GTSE1: variants seen among roughly 807,000 people sequenced by gnomAD.
GTSE1 encodes the protein G2 and S-phase expressed 1, also known as G2 and S phase-expressed protein 1.
GTSE1 carries 52 observed loss-of-function variants against 60.5 expected under a neutral mutation model. The observed-to-expected ratio is 0.86, with a 90% CI of 0.69 to 1.08. The LOEUF is 1.08. GTSE1 is among the 50% of genes least tolerant of loss of function. The pLI is 0.00. For missense variants in GTSE1, 937 were observed against 961.8 expected (o/e 0.97, Z 0.34); for synonymous variants, 368 against 386.5 (o/e 0.95, Z 0.56).
At chr22:46,326,736 TG>T in intron 9 of GTSE1, 82 bp downstream of exon 9, 1 of 961,950 alleles carries the variant, frequency 1.0e-6, no homozygotes, top group Admixed American at 2.9e-5. Context: ...TTTCTTGCCT[TG>T]CTCCAGGTTT....
rs548357801 is a variant in GTSE1, at chr22:46,329,739, C to T, written c.2136+172C>T. On this transcript the variant is annotated intron_variant, in intron 11 of 11. Coordinates refer to ENST00000454366, the MANE Select transcript of GTSE1 (RefSeq NM_016426.7). The surrounding 1 kb of genome is among the most constrained non-coding windows in gnomAD (Gnocchi z 6.4). Reference sequence around the variant, plus strand: ...GCAGCCTGAGCTTCTCAAAGATCAGCTGCCTCTGAGGTGCCCTGCCAGGAC... The same window carrying T: ...GCAGCCTGAGCTTCTCAAAGATCAGTTGCCTCTGAGGTGCCCTGCCAGGAC... Among the ~76,000 whole-genome samples, 2 of 152,320 alleles carry T rather than the reference C, an allele frequency of 1.3e-5. No homozygotes were observed. Among genetic ancestry groups the T allele is most frequent in the East Asian group, 3.9e-4 (2 of 5,182 alleles).
chr22:46,321,450 G>A lies in GTSE1; in HGVS notation c.1433-1740G>A, dbSNP rs1403358066. Among the ~76,000 whole-genome samples, 3 of 152,130 alleles carry A rather than the reference G, an allele frequency of 2.0e-5. No homozygotes were observed. The highest frequency in any genetic ancestry group is 7.2e-5 in the African/African-American group (3 of 41,418). On this transcript the variant is annotated intron_variant, in intron 7 of 11. Transcript: ENST00000454366. This position sits in a 1 kb window ranked among gnomAD's most constrained non-coding sequence, Gnocchi z 4.0. ...AACAAACTGAAAACGGAGGTGGAGA[G>A]AGGGTGGGAGCATGTTTGACTCAGC...
chr22:46,298,801 C>G (rs529269462), intron 2 of GTSE1, among the ~76,000 whole-genome samples: 1 of 152,206 alleles, frequency 6.6e-6, no homozygotes, highest in South Asian at 2.1e-4. Flanking sequence ...TCCCCACTTC[C>G]GTTGACCTGA....
In GTSE1 at chr22:46,319,748, G is replaced by T. The variant is rs1050792633; in HGVS notation, c.1432+3336G>T. On this transcript the variant is annotated intron_variant, in intron 7 of 11. Coordinates refer to ENST00000454366, the MANE Select transcript of GTSE1 (RefSeq NM_016426.7). The surrounding 1 kb of genome is among the most constrained non-coding windows in gnomAD (Gnocchi z 5.0). ...CTCCTGTAATCCTAGCACTTTGGGA[G>T]GCCGAGGTGAGCAGATCACCTGAGG... is the stretch of plus-strand genomic sequence containing the variant. 6.6e-6 allele frequency among the ~76,000 whole-genome samples: 1 copy of T among 152,092 alleles called. No individual in the cohort carries two copies. Among genetic ancestry groups the T allele is most frequent in the African/African-American group, 2.4e-5 (1 of 41,402 alleles).
At position 46,312,420 on chromosome 22, in the gene GTSE1, A is replaced by C. The variant is rs1242397940; in HGVS notation, c.927+115A>C. 3 of 979,076 alleles carry C rather than the reference A, an allele frequency of 3.1e-6. No homozygotes were observed. The East Asian group carries it at 7.8e-5, about 25-fold the overall frequency. The allele number at this position is 979,076 out of a possible 1,614,324, so 60.6% of individuals were successfully genotyped here. A position where few individuals can be genotyped will look rare whatever the true frequency, so the allele number is the denominator to read the frequency against. The stretch of plus-strand genomic sequence containing the variant: ...TTTGGGAGGCCAAGGTGGGAGGATC[A>C]CTTGAGCCCAGGAGTTCAAGACCAG... On this transcript the variant is annotated intron_variant, in intron 5 of 11. Coordinates refer to ENST00000454366, the MANE Select transcript of GTSE1 (RefSeq NM_016426.7).
At position 46,308,135 on chromosome 22, in the gene GTSE1, A is replaced by T; in HGVS notation, c.80-15A>T. ...AGCTGTGGCACTAAAATAACAGTGG[A>T]TTTTTTCCCTCTAGACATTCTTCTT... On this transcript the variant is annotated splice_polypyrimidine_tract_variant and intron_variant, in intron 2 of 11. Coordinates refer to ENST00000454366, the MANE Select transcript of GTSE1 (RefSeq NM_016426.7). 1 of 1,587,988 alleles carries T rather than the reference A, an allele frequency of 6.3e-7. No individual in the cohort carries two copies. The highest frequency in any genetic ancestry group is 8.6e-7 in the Non-Finnish European group (1 of 1,156,682).
chr22:46,297,272 C>A lies in GTSE1; in HGVS notation c.-21-108C>A. ...GGCCCCCGCGCCGCCTCTCCCAGACCTGGCCGCGGCCTTCAGCTCTCTCTG... is the reference window on the plus strand; with the variant it reads ...GGCCCCCGCGCCGCCTCTCCCAGACATGGCCGCGGCCTTCAGCTCTCTCTG... On this transcript the variant is annotated intron_variant, in intron 1 of 11. Transcript: ENST00000454366. This position sits in a 1 kb window ranked among gnomAD's most constrained non-coding sequence, Gnocchi z 4.9. 2.7e-6 allele frequency: 2 copies of A among 731,322 alleles called. No individual in the cohort carries two copies. Among genetic ancestry groups the A allele is most frequent in the Non-Finnish European group, 2.4e-6 (1 of 415,382 alleles). The allele number at this position is 731,322 out of a possible 1,614,324, so 45.3% of individuals were successfully genotyped here.
At position 46,313,786 on chromosome 22, in the gene GTSE1, C is replaced by G. The variant is rs888014718; in HGVS notation, c.928-104C>G. The stretch of plus-strand genomic sequence containing the variant: ...CCTCCCAAAGTGCTGGGATTACAGG[C>G]GTGAGCCACCGTGCCCAGCCAAAAA... On this transcript the variant is annotated intron_variant, in intron 5 of 11. Coordinates refer to ENST00000454366, the MANE Select transcript of GTSE1 (RefSeq NM_016426.7). The surrounding 1 kb of genome is among the most constrained non-coding windows in gnomAD (Gnocchi z 4.4). 1.6e-6 allele frequency: 2 copies of G among 1,263,694 alleles called. No individual in the cohort carries two copies. The highest frequency in any genetic ancestry group is 3.0e-5 in the African/African-American group (2 of 67,786). The allele number at this position is 1,263,694 out of a possible 1,614,324, so 78.3% of individuals were successfully genotyped here. A position where few individuals can be genotyped will look rare whatever the true frequency, so the allele number is the denominator to read the frequency against.
In GTSE1 at chr22:46,316,233, C is replaced by T. The variant is rs920342649; in HGVS notation, c.1253C>T (p.Pro418Leu). The change falls in exon 7 of 12, where the codon CCC (proline) becomes CTC (leucine). Residue 418 changes from proline (P) to leucine (L), a missense_variant. Pro to Leu is a moderately conservative substitution (Grantham distance 98). Coordinates refer to ENST00000454366, the MANE Select transcript of GTSE1 (RefSeq NM_016426.7). This position sits in a 1 kb window ranked among gnomAD's most constrained non-coding sequence, Gnocchi z 5.0. The stretch of plus-strand genomic sequence containing the variant: ...CTCACGGCACCCCCCTCAGCATCCC[C>T]CACCCAACCCCAGACTCCGGAAGGT... ...EQLTAPPSAS[P>L]TQPQTPEGGG... is the part of the protein sequence containing the mutation. 1.2e-6 allele frequency: 2 copies of T among 1,613,780 alleles called. No homozygotes were observed.
chr22:46,297,256 G>C lies in GTSE1; in HGVS notation c.-21-124G>C. 1.5e-6 allele frequency: 1 copy of C among 662,748 alleles called. No homozygotes were observed. 41.1% of individuals were successfully genotyped at this position (662,748 alleles called of 1,614,324 possible). ...GCGATCATTTCAGAGCGGCCCCCGC[G>C]CCGCCTCTCCCAGACCTGGCCGCGG... On this transcript the variant is annotated intron_variant, in intron 1 of 11. Coordinates refer to ENST00000454366, the MANE Select transcript of GTSE1 (RefSeq NM_016426.7). The surrounding 1 kb of genome is among the most constrained non-coding windows in gnomAD (Gnocchi z 4.9).
rs929851034 is a variant in GTSE1, at chr22:46,318,081, C to G, written c.1432+1669C>G. 2.7e-4 allele frequency among the ~76,000 whole-genome samples: 41 copies of G among 152,266 alleles called. No individual in the cohort carries two copies. The highest frequency in any genetic ancestry group is 2.7e-3 in the Admixed American group (41 of 15,286). On this transcript the variant is annotated intron_variant, in intron 7 of 11. Transcript: ENST00000454366. This position sits in a 1 kb window ranked among gnomAD's most constrained non-coding sequence, Gnocchi z 4.8. ...ATTGCAGCCACCTCAGCCTCCTGAGCTCCAGCCACTGCCTTCTCCAGTCAG... is the reference window on the plus strand; with the variant it reads ...ATTGCAGCCACCTCAGCCTCCTGAGGTCCAGCCACTGCCTTCTCCAGTCAG...
intron 2 of GTSE1, among the ~76,000 whole-genome samples, chr22:46,305,336 G>A (rs2077709689): frequency 6.6e-6 from 1 of 152,200 alleles, no homozygotes; most frequent in African/African-American, 2.4e-5. Context: ...TAGACTGGAT[G>A]CGGTGGCTCA....
At chr22:46,302,310 C>T (rs140323948) in intron 2 of GTSE1, among the ~76,000 whole-genome samples, 1 of 152,058 alleles carries the variant, frequency 6.6e-6, no homozygotes, top group East Asian at 1.9e-4. Context: ...TCTTGTTTAA[C>T]TTATTGTGAT....
rs1025974107 is a variant in GTSE1, at chr22:46,329,380, T to C, written c.1949T>C (p.Leu650Pro). ...CAGGCTCTTCTTGTAGATATCAAAC[T>C]GGAACCACTCGCGGTCACTCCAGAT... is the stretch of plus-strand genomic sequence containing the variant. ...PSEALLVDIK[L>P]EPLAVTPDAA... Residue 650 changes from leucine (L) to proline (P), a missense_variant, in exon 11 of 12, where the codon CTG becomes CCG. Transcript: ENST00000454366. The surrounding 1 kb of genome is among the most constrained non-coding windows in gnomAD (Gnocchi z 6.4). 1 of 1,614,124 alleles carries C rather than the reference T, an allele frequency of 6.2e-7. No homozygotes were observed. Among genetic ancestry groups the C allele is most frequent in the African/African-American group, 1.3e-5 (1 of 75,054 alleles).
Position 46,320,258 on chromosome 22 carries a change from C to T in GTSE1, c.1433-2932C>T, listed in dbSNP as rs975175580. 6.6e-6 allele frequency among the ~76,000 whole-genome samples: 1 copy of T among 152,184 alleles called. No homozygotes were observed. Among genetic ancestry groups the T allele is most frequent in the East Asian group, 1.9e-4 (1 of 5,198 alleles). On this transcript the variant is annotated intron_variant, in intron 7 of 11. Coordinates refer to ENST00000454366, the MANE Select transcript of GTSE1 (RefSeq NM_016426.7). This position sits in a 1 kb window ranked among gnomAD's most constrained non-coding sequence, Gnocchi z 7.1. ...GTTGGCTTTGCCCTGTTTCCCAGAG[C>T]GTGTCCCTGCGGTCTCCTTACGCAC...
rs9627392 is a variant in GTSE1 at position 46,297,669 on chromosome 22, C to G, written c.79+190C>G. Among the ~76,000 whole-genome samples, 1,410 of 152,346 alleles carry G rather than the reference C, an allele frequency of 9.3e-3. 23 individuals are homozygous for G. Among genetic ancestry groups the G allele is most frequent in the African/African-American group, 0.032 (1,333 of 41,568 alleles). Reference sequence around the variant, plus strand: ...TCCCCATTTTAAGTTTCATCACAGCCAGGATTCTCATCCGTTTTATTTACC... The same window carrying G: ...TCCCCATTTTAAGTTTCATCACAGCGAGGATTCTCATCCGTTTTATTTACC... On this transcript the variant is annotated intron_variant, in intron 2 of 11. Coordinates refer to ENST00000454366, the MANE Select transcript of GTSE1 (RefSeq NM_016426.7). The surrounding 1 kb of genome is among the most constrained non-coding windows in gnomAD (Gnocchi z 4.9).
rs1365800274 is a variant in GTSE1, at chr22:46,316,740, A to C, written c.1432+328A>C. ...CCTTTATCCCGCTGAGGGTTTCTTA[A>C]GCTTCTTTGATCTGTGGGTTGGTTT... is the stretch of plus-strand genomic sequence containing the variant. On this transcript the variant is annotated intron_variant, in intron 7 of 11. Transcript: ENST00000454366. This position sits in a 1 kb window ranked among gnomAD's most constrained non-coding sequence, Gnocchi z 5.0. Among the ~76,000 whole-genome samples, 2 of 152,036 alleles carry C rather than the reference A, an allele frequency of 1.3e-5. No homozygotes were observed. The highest frequency in any genetic ancestry group is 2.1e-4 in the South Asian group (1 of 4,814).
chr22:46,302,996 T>A (rs1347276534), intron 2 of GTSE1, among the ~76,000 whole-genome samples: 2 of 150,752 alleles, frequency 1.3e-5, no homozygotes, highest in Non-Finnish European at 3.0e-5. Context: ...GCCTCCCAGG[T>A]TCATGCCATT....
rs761886472 is a variant in GTSE1, at chr22:46,326,456, C to T, written c.1526C>T (p.Pro509Leu). Residue 509 changes from proline to leucine, a missense_variant, in exon 9 of 12, where the codon CCG (proline) becomes CTG (leucine). Physicochemically the swap from Pro to Leu is moderately conservative, Grantham distance 98. Coordinates refer to ENST00000454366, the MANE Select transcript of GTSE1 (RefSeq NM_016426.7). ...SVGRVTVHST[P>L]VRRSSGPAPQ... ...GCCAGGGTCACTGTCCACAGCACCC[C>T]GGTTAGACGCTCATCTGGGCCAGCA... The T allele has an allele frequency of 8.3e-5, 134 of 1,607,702 alleles. No homozygotes were observed. In the South Asian group the frequency reaches 8.6e-4, roughly 10 times the overall value.
Sources: gnomAD v4.1 joint callset for allele counts (sites outside exome capture counted in the v4.1 genomes callset) on GRCh38, gnomAD v4.1.1 for gene constraint, Gnocchi (gnomAD v3.1) non-coding constraint, MANE v1.5 for transcripts, NCBI Gene and HGNC (gene_info 2026-07-23, HGNC 2026-07-21) for gene names.